CHD1L: variants seen among roughly 807,000 people sequenced by gnomAD.
The protein encoded by CHD1L is ATP-dependent chromatin remodeler CHD1L.
CHD1L carries 118 observed loss-of-function variants against 115.9 expected under a neutral mutation model. That is an observed-to-expected ratio of 1.02 (90% CI 0.88 to 1.19). The LOEUF (loss-of-function observed/expected upper bound fraction) is 1.19. Among genes scored for constraint, CHD1L ranks in the 50% most tolerant of loss-of-function variants. The pLI, the probability that CHD1L is intolerant of heterozygous loss-of-function variation, is 0.00. For missense variants in CHD1L, 1,179 were observed against 1,065.3 expected, an observed-to-expected ratio of 1.11 and a Z score of -1.49; for synonymous variants, 411 against 387.1, an observed-to-expected ratio of 1.06 and a Z score of -0.72.
the CHD1L span, chr1:147,215,633 T>C: frequency 1.5e-6 from 1 of 656,680 alleles, no homozygotes; most frequent in Non-Finnish European, 2.6e-6. Context: ...TTTGCCTGGG[T>C]AGGATAAATA....
chr1:147,274,158 C>T (rs905317574), intron 12 of CHD1L, among the ~76,000 whole-genome samples: 1 of 152,154 alleles, frequency 6.6e-6, no homozygotes, highest in African/African-American at 2.4e-5. Flanking sequence ...CTTGCAACTT[C>T]AGAGAAGTCC....
chr1:147,261,401 C>CA (rs1553119581), intron 6 of CHD1L, among the ~76,000 whole-genome samples: 2 of 129,004 alleles, frequency 1.6e-5, no homozygotes, highest in Non-Finnish European at 3.4e-5. Flanking sequence ...CTGCATGACA[C>CA]TTTTTTTTTT....
chr1:147,252,501 C>A (rs201933999), intron 1 of CHD1L, 122 bp from the exon 2 acceptor site: 3 of 656,510 alleles, frequency 4.6e-6, no homozygotes, highest in Non-Finnish European at 5.1e-6. Flanking sequence ...GCAAAAGATA[C>A]GTCCAGTGAG....
At chr1:147,189,112 A>G in the CHD1L span, among the ~76,000 whole-genome samples, 3 of 152,026 alleles carry the variant, frequency 2.0e-5, no homozygotes, top group African/African-American at 7.3e-5. Flanking sequence ...CATCTCTACT[A>G]AAAATACAAA....
chr1:147,183,363 A>G, the CHD1L span, among the ~76,000 whole-genome samples: 18 of 152,278 alleles, frequency 1.2e-4, no homozygotes, highest in East Asian at 1.9e-4. Context: ...AAAGTCATCT[A>G]TTTACCTCCC....
At chr1:147,178,716 T>G in the CHD1L span, 208 of 1,569,978 alleles carry the variant, frequency 1.3e-4, no homozygotes, top group East Asian at 3.7e-3. Flanking sequence ...ATAACGGAGA[T>G]GGTATCATCT....
the CHD1L span, chr1:147,224,151 C>T: frequency 3.3e-6 from 1 of 301,022 alleles, no homozygotes; most frequent in Admixed American, 4.2e-5. Flanking sequence ...AAGACCTGCA[C>T]GACGTTGCCT....
chr1:147,266,821 CTG>C (rs1674112329), intron 8 of CHD1L, among the ~76,000 whole-genome samples: 1 of 152,166 alleles, frequency 6.6e-6, no homozygotes, highest in Non-Finnish European at 1.5e-5. Flanking sequence ...AATCTTCTGT[CTG>C]TGACATTGTG....
chr1:147,219,923 C>T, the CHD1L span, among the ~76,000 whole-genome samples: 1 of 151,218 alleles, frequency 6.6e-6, no homozygotes, highest in South Asian at 2.1e-4. Flanking sequence ...ACCACAACCC[C>T]TGCCTCCCGG....
chr1:147,257,978 A>G (rs1477136597), intron 5 of CHD1L, among the ~76,000 whole-genome samples: 1 of 152,174 alleles, frequency 6.6e-6, no homozygotes, highest in Non-Finnish European at 1.5e-5. Flanking sequence ...AGGGACATTT[A>G]TAATGCTGTC....
At chr1:147,246,340 A>AAAGAAAAAG (rs1666621445) in intron 1 of CHD1L, among the ~76,000 whole-genome samples, 1 of 152,260 alleles carries the variant, frequency 6.6e-6, no homozygotes, top group Non-Finnish European at 1.5e-5. Flanking sequence ...GCTATTGCCA[A>AAAGAAAAAG]AAAAGAAAAG....
chr1:147,252,593 CTTCGGA>C, intron 1 of CHD1L, 24 bp from the exon 2 acceptor site: 1 of 1,558,886 alleles, frequency 6.4e-7, no homozygotes. Context: ...AATGTCTGCT[CTTCGGA>C]TTTGCTGTAT....
chr1:147,250,293 T>C (rs943921654), intron 1 of CHD1L, among the ~76,000 whole-genome samples: 1 of 152,250 alleles, frequency 6.6e-6, no homozygotes, highest in South Asian at 2.1e-4. Context: ...ATATAATGAA[T>C]GATTTTTATA....
At chr1:147,210,499 T>C in the CHD1L span, 1 of 152,200 alleles carries the variant, frequency 6.6e-6, no homozygotes, top group African/African-American at 2.4e-5. Context: ...TTCACAAATC[T>C]TATCTCGCCT....
intron 16 of CHD1L, 21 bp from the exon 17 acceptor site, chr1:147,285,303 T>C: frequency 6.2e-7 from 1 of 1,601,884 alleles, no homozygotes; most frequent in Non-Finnish European, 8.5e-7. Flanking sequence ...ACCCTGGTGA[T>C]GGATCTTGTT....
chr1:147,274,090 G>T (rs923145962), intron 12 of CHD1L, among the ~76,000 whole-genome samples: 6 of 152,148 alleles, frequency 3.9e-5, no homozygotes, highest in African/African-American at 1.4e-4. Flanking sequence ...GTGGATAAAA[G>T]CACGGGCTCT....
At chr1:147,180,968 A>G in the CHD1L span, among the ~76,000 whole-genome samples, 1 of 152,202 alleles carries the variant, frequency 6.6e-6, no homozygotes, top group Non-Finnish European at 1.5e-5. Flanking sequence ...ATTTTGAGAA[A>G]CGCGGCCTAG....
chr1:147,277,952 T>A (rs1553959114), intron 14 of CHD1L, among the ~76,000 whole-genome samples: 1 of 152,094 alleles, frequency 6.6e-6, no homozygotes, highest in East Asian at 1.9e-4. Flanking sequence ...TGTGGGCTGC[T>A]GGACACATCA....
At chr1:147,193,653 A>C in the CHD1L span, among the ~76,000 whole-genome samples, 2 of 152,058 alleles carry the variant, frequency 1.3e-5, no homozygotes, top group East Asian at 1.9e-4. Context: ...TAGTGCTATA[A>C]ATTTCCCTCT....
Sources: allele counts gnomAD v4.1 joint callset (sites outside exome capture counted in the v4.1 genomes callset), GRCh38; gene constraint gnomAD v4.1.1; transcripts MANE v1.5; gene names NCBI Gene and HGNC (gene_info 2026-07-23, HGNC 2026-07-21).